Variants in REEP1 observed in about 807,000 individuals in gnomAD.
The protein encoded by REEP1 is receptor expression-enhancing protein 1.
Under a neutral mutation model 40.3 loss-of-function variants are expected in REEP1, and 22 were observed. The ratio of observed to expected loss-of-function variants is 0.55; its 90% confidence interval spans 0.39 to 0.78. The LOEUF (loss-of-function observed/expected upper bound fraction) is 0.78, where lower values mean the gene tolerates loss of function less well. Among genes scored for constraint, REEP1 ranks in the 30% least tolerant of loss-of-function variants. The probability of loss-of-function intolerance (pLI) is 0.00; values close to 1 mark genes in which losing one functional copy is unlikely to be tolerated. For missense variants in REEP1, 280 were observed against 361.1 expected, an observed-to-expected ratio of 0.78 and a Z score of 1.82; for synonymous variants, 116 against 139.2, an observed-to-expected ratio of 0.83 and a Z score of 1.17.
intron 5 of REEP1, among the ~76,000 whole-genome samples, chr2:86,237,003 G>C (rs1558878680): frequency 1.3e-5 from 2 of 152,132 alleles, no homozygotes; most frequent in Non-Finnish European, 2.9e-5. Flanking sequence ...CAAAGTGCTG[G>C]GATTACAGGC....
intron 3 of REEP1, among the ~76,000 whole-genome samples, chr2:86,257,677 C>T (rs1465044027): frequency 2.0e-5 from 3 of 150,004 alleles, no homozygotes; most frequent in Admixed American, 6.6e-5. Flanking sequence ...CACTCTGCTG[C>T]GCAGGCTGCA....
At chr2:86,233,518 T>C (rs1558875998) in intron 5 of REEP1, among the ~76,000 whole-genome samples, 1 of 152,200 alleles carries the variant, frequency 6.6e-6, no homozygotes, top group Non-Finnish European at 1.5e-5. Context: ...TTCTTTTATT[T>C]AGAAAGCAAG....
At chr2:86,218,554 T>C (rs1346464255) in intron 8 of REEP1, among the ~76,000 whole-genome samples, 1 of 152,208 alleles carries the variant, frequency 6.6e-6, no homozygotes, top group East Asian at 1.9e-4. Context: ...ATCTGCCTCT[T>C]GGCAGGCTGG....
chr2:86,255,082 C>T, intron 3 of REEP1: 2 of 387,750 alleles, frequency 5.2e-6, no homozygotes, highest in Non-Finnish European at 9.6e-6. Context: ...AGCAATCACC[C>T]CCGTGGCCCT....
At position 86,226,099 on chromosome 2, in the gene REEP1, C is replaced by CCACCACCATCAT. The variant is rs1553457287; in HGVS notation, c.631+1263_631+1264insATGATGGTGGTG. ...ATCACCACCACCACCACCACCACCA[C>CCACCACCATCAT]CACCACCACCACCACCATCATCACC... is the stretch of plus-strand genomic sequence containing the variant. On this transcript the variant is annotated intron_variant, in intron 7 of 8. Transcript: ENST00000538924. Among the ~76,000 whole-genome samples, 92 of 145,910 alleles carry CCACCACCATCAT rather than the reference C, an allele frequency of 6.3e-4. 1 individual carries two copies. Among genetic ancestry groups the CCACCACCATCAT allele is most frequent in the African/African-American group, 2.2e-3 (84 of 38,716 alleles).
At chr2:86,289,143 C>T (rs1678564494) in intron 1 of REEP1, among the ~76,000 whole-genome samples, 1 of 151,896 alleles carries the variant, frequency 6.6e-6, no homozygotes, top group Admixed American at 6.6e-5. Flanking sequence ...TGAGAAAATC[C>T]TGGTCACGTA....
intron 8 of REEP1, among the ~76,000 whole-genome samples, chr2:86,217,384 T>C (rs1674173464): frequency 6.6e-6 from 1 of 152,186 alleles, no homozygotes; most frequent in African/African-American, 2.4e-5. Flanking sequence ...GAATGACACA[T>C]CTTTCTTGTT....
intron 6 of REEP1, among the ~76,000 whole-genome samples, chr2:86,231,334 G>T (rs560614740): frequency 6.6e-6 from 1 of 152,196 alleles, no homozygotes; most frequent in African/African-American, 2.4e-5. Flanking sequence ...GCAGTGACAG[G>T]GTTAAAACAT....
chr2:86,316,727 T>C (rs1680031992), intron 1 of REEP1, among the ~76,000 whole-genome samples: 1 of 151,290 alleles, frequency 6.6e-6, no homozygotes, highest in African/African-American at 2.4e-5. Context: ...GGCGTGGTGG[T>C]GCATGCCTGT....
At chr2:86,328,668 A>G (rs1680624362) in intron 1 of REEP1, among the ~76,000 whole-genome samples, 1 of 152,170 alleles carries the variant, frequency 6.6e-6, no homozygotes, top group South Asian at 2.1e-4. Flanking sequence ...ACAGAGTAAG[A>G]ATCCATCTTA....
In REEP1 at chr2:86,235,941, G is replaced by C. The variant is rs370495723; in HGVS notation, c.418-3139C>G. Reference sequence around the variant, plus strand: ...GGTTAAAATCAGTATGCCTGACCGGGCGCGGTGGTTCACGCCTGTAATCCC... The same window carrying C: ...GGTTAAAATCAGTATGCCTGACCGGCCGCGGTGGTTCACGCCTGTAATCCC... On this transcript the variant is annotated intron_variant, in intron 5 of 8. Coordinates refer to ENST00000538924, the MANE Select transcript of REEP1 (RefSeq NM_001371279.1). Among the ~76,000 whole-genome samples, 177 of 152,330 alleles carry C rather than the reference G, an allele frequency of 1.2e-3. 2 individuals are homozygous for C. The highest frequency in any genetic ancestry group is 3.4e-3 in the African/African-American group (142 of 41,580).
chr2:86,302,121 G>A (rs1266655613), intron 1 of REEP1, among the ~76,000 whole-genome samples: 2 of 152,230 alleles, frequency 1.3e-5, no homozygotes, highest in East Asian at 3.8e-4. Flanking sequence ...TCACCAAGCA[G>A]CTTCCTTCCC....
At chr2:86,272,109 C>T (rs1054747163) in intron 2 of REEP1, among the ~76,000 whole-genome samples, 3 of 152,136 alleles carry the variant, frequency 2.0e-5, no homozygotes, top group African/African-American at 7.2e-5. Context: ...GTAATCCTAG[C>T]TACTCAGGAG....
At chr2:86,318,855 C>A (rs183732520) in intron 1 of REEP1, among the ~76,000 whole-genome samples, 20 of 152,064 alleles carry the variant, frequency 1.3e-4, no homozygotes, top group African/African-American at 4.3e-4. Context: ...AAAGATGGAG[C>A]GGATGTGCCA....
In REEP1 at chr2:86,264,047, G is replaced by C. The variant is rs751690452; in HGVS notation, c.106-6C>G. On this transcript the variant is annotated splice_polypyrimidine_tract_variant and splice_region_variant and intron_variant, in intron 2 of 8. Transcript: ENST00000538924. ...CAGTACATCATCCATTTGACCTGTT[G>C]AAACAGAAAGCAACACAGCTGGTAG... 9 of 1,609,634 alleles carry C rather than the reference G, an allele frequency of 5.6e-6. No individual in the cohort carries two copies. The highest frequency in any genetic ancestry group is 1.7e-5 in the Admixed American group (1 of 60,000).
At chr2:86,272,339 A>C (rs1574065137) in intron 2 of REEP1, among the ~76,000 whole-genome samples, 1 of 152,214 alleles carries the variant, frequency 6.6e-6, no homozygotes, top group African/African-American at 2.4e-5. Flanking sequence ...ACTGCAGTGC[A>C]TCCATTACAT....
At chr2:86,283,591 G>A (rs1210389571) in intron 1 of REEP1, among the ~76,000 whole-genome samples, 1 of 152,168 alleles carries the variant, frequency 6.6e-6, no homozygotes, top group Non-Finnish European at 1.5e-5. Flanking sequence ...ACTGTTGCCA[G>A]GGAACACCCT....
intron 8 of REEP1, among the ~76,000 whole-genome samples, chr2:86,219,742 G>A (rs1049762424): frequency 6.6e-6 from 1 of 152,136 alleles, no homozygotes; most frequent in Non-Finnish European, 1.5e-5. Context: ...CACTGCACCC[G>A]GCTCACGCTC....
At chr2:86,227,237 C>T (rs1254301018) in intron 7 of REEP1, 126 bp downstream of exon 7, 2 of 691,556 alleles carry the variant, frequency 2.9e-6, no homozygotes, top group Non-Finnish European at 4.0e-6. Context: ...AAAGGGTTAA[C>T]CTCCTGACCC....
Sources: allele counts gnomAD v4.1 joint callset (sites outside exome capture counted in the v4.1 genomes callset), GRCh38; gene constraint gnomAD v4.1.1; transcripts MANE v1.5; gene names NCBI Gene and HGNC (gene_info 2026-07-23, HGNC 2026-07-21).